The following RBMS1 variants were observed in gnomAD, a reference collection of about 807,000 sequenced individuals.
RBMS1 encodes the protein RNA-binding motif, single-stranded-interacting protein 1.
RBMS1 carries 17 observed loss-of-function variants against 62.3 expected under a neutral mutation model. That is an observed-to-expected ratio of 0.27 (90% CI 0.19 to 0.41). The LOEUF is 0.41. Among genes scored for constraint, RBMS1 ranks in the 10% least tolerant of loss-of-function variants. The probability of loss-of-function intolerance (pLI) is 1.00; values close to 1 mark genes in which losing one functional copy is unlikely to be tolerated. For missense variants in RBMS1, 334 were observed against 504.5 expected (o/e 0.66, Z 3.24); for synonymous variants, 172 against 170.0 (o/e 1.01, Z -0.09).
chr2:160,366,703 T>C (rs1306809662), intron 2 of RBMS1, among the ~76,000 whole-genome samples: 2 of 152,220 alleles, frequency 1.3e-5, no homozygotes, highest in Non-Finnish European at 2.9e-5. Context: ...ATTGAGTTCT[T>C]ATTCCTAAAG....
At chr2:160,427,462 T>C (rs1330453498) in intron 1 of RBMS1, among the ~76,000 whole-genome samples, 1 of 152,086 alleles carries the variant, frequency 6.6e-6, no homozygotes, top group African/African-American at 2.4e-5. Flanking sequence ...AATGACACAA[T>C]TAAAAAAATT....
intron 2 of RBMS1, among the ~76,000 whole-genome samples, chr2:160,326,512 G>T (rs541285581): frequency 1.2e-4 from 19 of 152,246 alleles, no homozygotes; most frequent in Non-Finnish European, 2.5e-4. Context: ...GTGAGTTATG[G>T]AAACTTAAGT....
chr2:160,326,293 A>G (rs1573865600), intron 2 of RBMS1, among the ~76,000 whole-genome samples: 1 of 152,204 alleles, frequency 6.6e-6, no homozygotes, highest in Non-Finnish European at 1.5e-5. Flanking sequence ...CAGATGCCAC[A>G]CCTACCATTA....
At chr2:160,348,191 G>C (rs1197333240) in intron 2 of RBMS1, among the ~76,000 whole-genome samples, 1 of 152,002 alleles carries the variant, frequency 6.6e-6, no homozygotes, top group African/African-American at 2.4e-5. Context: ...TTTCCCAAAA[G>C]AGTATATGCA....
intron 1 of RBMS1, among the ~76,000 whole-genome samples, chr2:160,371,436 T>A (rs1274927954): frequency 6.6e-6 from 1 of 152,156 alleles, no homozygotes; most frequent in Non-Finnish European, 1.5e-5. Flanking sequence ...AAGTGCCCAC[T>A]CATCCCAAAA....
At chr2:160,433,406 C>T (rs1682981742) in intron 1 of RBMS1, among the ~76,000 whole-genome samples, 2 of 152,278 alleles carry the variant, frequency 1.3e-5, no homozygotes, top group South Asian at 4.1e-4. Flanking sequence ...AGTGTGAGAC[C>T]TTGTCGCCAG....
intron 7 of RBMS1, among the ~76,000 whole-genome samples, chr2:160,285,276 G>A (rs1291148623): frequency 6.6e-6 from 1 of 151,906 alleles, no homozygotes; most frequent in Non-Finnish European, 1.5e-5. Flanking sequence ...AAAAAGGGGA[G>A]GGAGGGGAAT....
At chr2:160,411,086 T>C (rs1395456926) in intron 1 of RBMS1, among the ~76,000 whole-genome samples, 1 of 152,200 alleles carries the variant, frequency 6.6e-6, no homozygotes, top group Non-Finnish European at 1.5e-5. Flanking sequence ...CTGCCTGGGC[T>C]GTCCTATGTC....
chr2:160,408,624 A>G (rs900722726), intron 1 of RBMS1: 3 of 152,204 alleles, frequency 2.0e-5, no homozygotes, highest in African/African-American at 7.2e-5. Flanking sequence ...GTTAATTATT[A>G]GATGCGACAC....
rs1336752439 is a variant in RBMS1, at chr2:160,272,523, C to T, written c.*2249G>A. The T allele has an allele frequency of 6.6e-6, 1 of 151,158 alleles. No individual in the cohort carries two copies. Among genetic ancestry groups the T allele is most frequent in the Non-Finnish European group, 1.5e-5 (1 of 67,890 alleles). The allele number at this position is 151,158 out of a possible 1,614,324, so 9.4% of individuals were successfully genotyped here. On this transcript the variant is annotated 3_prime_UTR_variant, in exon 14 of 14. Transcript: ENST00000348849. ...AGAGGTTATGTTTCCCAAATCTTACCCAGACGAGTATGGCACTTAGTTCAG... is the reference window on the plus strand; with the variant it reads ...AGAGGTTATGTTTCCCAAATCTTACTCAGACGAGTATGGCACTTAGTTCAG...
At chr2:160,451,879 G>C (rs966332473) in intron 1 of RBMS1, among the ~76,000 whole-genome samples, 3 of 152,096 alleles carry the variant, frequency 2.0e-5, no homozygotes, top group Admixed American at 2.0e-4. Context: ...TAAAGTGTTG[G>C]GATTACAGGC....
chr2:160,479,065 A>G (rs1402579837), intron 1 of RBMS1, among the ~76,000 whole-genome samples: 1 of 152,194 alleles, frequency 6.6e-6, no homozygotes, highest in Non-Finnish European at 1.5e-5. Context: ...GTTGTTGTTG[A>G]CCAAACTAAT....
chr2:160,347,681 G>A (rs747048183), intron 2 of RBMS1, among the ~76,000 whole-genome samples: 2 of 152,120 alleles, frequency 1.3e-5, no homozygotes, highest in Non-Finnish European at 2.9e-5. Context: ...ATCTGTGGAA[G>A]TTGTCATTTT....
chr2:160,429,042 G>A (rs1682773833), intron 1 of RBMS1, among the ~76,000 whole-genome samples: 1 of 152,128 alleles, frequency 6.6e-6, no homozygotes, highest in South Asian at 2.1e-4. Flanking sequence ...TGTAAAGATT[G>A]TTTCAATTAA....
intron 9 of RBMS1, chr2:160,283,735 C>T (rs1688224180): frequency 6.6e-6 from 1 of 152,074 alleles, no homozygotes; most frequent in African/African-American, 2.4e-5. Context: ...ATAATCATAG[C>T]TAACATTAAC....
At chr2:160,477,021 C>T (rs1221684551) in intron 1 of RBMS1, among the ~76,000 whole-genome samples, 1 of 152,162 alleles carries the variant, frequency 6.6e-6, no homozygotes, top group African/African-American at 2.4e-5. Flanking sequence ...AGTCTTTTTC[C>T]CCTAGCATTA....
chr2:160,308,181 C>T (rs1689646771), intron 4 of RBMS1, among the ~76,000 whole-genome samples: 1 of 152,036 alleles, frequency 6.6e-6, no homozygotes, highest in Admixed American at 6.6e-5. Flanking sequence ...ATTGCTTGAG[C>T]TCACGAGTGC....
intron 2 of RBMS1, among the ~76,000 whole-genome samples, chr2:160,328,997 A>T (rs1691105353): frequency 6.6e-6 from 1 of 152,176 alleles, no homozygotes; most frequent in Admixed American, 6.5e-5. Context: ...CAGTGTGCAA[A>T]ATTACCTAGA....
chr2:160,354,480 C>T (rs1347551846), intron 2 of RBMS1, among the ~76,000 whole-genome samples: 1 of 152,082 alleles, frequency 6.6e-6, no homozygotes, highest in African/African-American at 2.4e-5. Context: ...TATGGCCTGG[C>T]TTTGAAGGTG....
Sources: allele counts gnomAD v4.1 joint callset (sites outside exome capture counted in the v4.1 genomes callset), GRCh38; gene constraint gnomAD v4.1.1; transcripts MANE v1.5; gene names NCBI Gene and HGNC (gene_info 2026-07-23, HGNC 2026-07-21).